The following ARHGAP6 variants were observed in gnomAD, a reference collection of about 807,000 sequenced individuals.
ARHGAP6 encodes Rho GTPase activating protein 6.
Under a neutral mutation model 55.7 loss-of-function variants are expected in ARHGAP6, and 16 were observed. The ratio of observed to expected loss-of-function variants is 0.29; its 90% CI spans 0.19 to 0.44. The LOEUF (loss-of-function observed/expected upper bound fraction) is 0.44. Ranked by LOEUF, ARHGAP6 falls within the 20% of genes least tolerant of loss-of-function variation. The pLI is 1.00. For synonymous variants in ARHGAP6, 382 were observed against 360.9 expected (o/e 1.06, Z -0.66); for missense variants, 698 against 808.9 (o/e 0.86, Z 1.66).
At chrX:11,147,479 C>T (rs1033804363) in intron 10 of ARHGAP6, among the ~76,000 whole-genome samples, 5 of 112,561 alleles carry the variant, frequency 4.4e-5, no homozygotes, top group African/African-American at 1.6e-4. Flanking sequence ...TTGTGAGGGC[C>T]TTTCAGAGCA....
At chrX:11,157,226 G>A (rs1022546769) in intron 9 of ARHGAP6, among the ~76,000 whole-genome samples, 8 of 112,164 alleles carry the variant, frequency 7.1e-5, no homozygotes, top group Non-Finnish European at 1.3e-4. Flanking sequence ...TACTCACCAC[G>A]AAGCATTGCT....
intron 1 of ARHGAP6, among the ~76,000 whole-genome samples, chrX:11,489,358 G>A (rs775121432): frequency 1.8e-5 from 2 of 111,689 alleles, no homozygotes; most frequent in East Asian, 5.6e-4. Flanking sequence ...GGAAAAGAAG[G>A]TAAGGAAAGA....
chrX:11,660,769 C>T (rs1394133513), intron 1 of ARHGAP6, among the ~76,000 whole-genome samples: 2 of 110,174 alleles, frequency 1.8e-5, no homozygotes, highest in African/African-American at 6.6e-5. Flanking sequence ...TGCCTGTCCA[C>T]TCTTTTCTGC....
chrX:11,368,081 C>T (rs889605031), intron 1 of ARHGAP6, among the ~76,000 whole-genome samples: 1 of 112,668 alleles, frequency 8.9e-6, no homozygotes, highest in Non-Finnish European at 1.9e-5. Flanking sequence ...GTGCATTAGA[C>T]TCTGTCCTAG....
intron 1 of ARHGAP6, among the ~76,000 whole-genome samples, chrX:11,445,724 G>A (rs887028453): frequency 1.5e-4 from 17 of 111,469 alleles, no homozygotes; most frequent in African/African-American, 5.6e-4. Context: ...TCGTGACGAG[G>A]GTCAGGGGTT....
intron 11 of ARHGAP6, chrX:11,143,109 T>C (rs1395491951): frequency 8.9e-6 from 1 of 111,961 alleles, no homozygotes; most frequent in Non-Finnish European, 1.9e-5. Context: ...TTTTTCACCA[T>C]CTCATTTAAT....
intron 1 of ARHGAP6, among the ~76,000 whole-genome samples, chrX:11,446,532 T>A (rs901741825): frequency 2.7e-5 from 3 of 111,016 alleles, no homozygotes; most frequent in African/African-American, 9.8e-5. Flanking sequence ...GAAAAAAAAA[T>A]GAGAAATTCT....
intron 1 of ARHGAP6, among the ~76,000 whole-genome samples, chrX:11,461,808 T>G (rs1199674608): frequency 1.8e-5 from 2 of 111,792 alleles, no homozygotes; most frequent in Admixed American, 9.5e-5. Context: ...TTAGACTTCC[T>G]GCAGGCAGCA....
chrX:11,635,052 T>A (rs970291360), intron 1 of ARHGAP6, among the ~76,000 whole-genome samples: 2 of 111,298 alleles, frequency 1.8e-5, no homozygotes, highest in Non-Finnish European at 3.8e-5. Context: ...CAGAGGCCAC[T>A]CTCAGTTTTT....
intron 1 of ARHGAP6, among the ~76,000 whole-genome samples, chrX:11,391,099 T>C (rs1274600574): frequency 8.1e-5 from 9 of 111,650 alleles, no homozygotes; most frequent in African/African-American, 2.9e-4. Flanking sequence ...ATTAAGAAAA[T>C]GTGGCACATA....
intron 1 of ARHGAP6, among the ~76,000 whole-genome samples, chrX:11,441,936 A>AAT (rs2050043487): frequency 9.1e-6 from 1 of 110,155 alleles, no homozygotes; most frequent in African/African-American, 3.3e-5. Context: ...ATGTATTTGA[A>AAT]ATATATATAC....
chrX:11,212,981 GC>G (rs1469695732), intron 2 of ARHGAP6, among the ~76,000 whole-genome samples: 1 of 112,338 alleles, frequency 8.9e-6, no homozygotes, highest in Non-Finnish European at 1.9e-5. Context: ...GTGGGGCCAC[GC>G]CCCCTGCAGG....
chrX:11,182,201 G>C, intron 5 of ARHGAP6, 83 bp from the exon 6 acceptor site: 1 of 782,694 alleles, frequency 1.3e-6, no homozygotes, highest in Non-Finnish European at 1.9e-6. Flanking sequence ...CAGAATGCCA[G>C]CACAGTGCCG....
intron 1 of ARHGAP6, among the ~76,000 whole-genome samples, chrX:11,445,619 T>A (rs1405212006): frequency 1.8e-5 from 2 of 112,102 alleles, no homozygotes; most frequent in Non-Finnish European, 3.8e-5. Context: ...ATATCAAATC[T>A]GGAACTTTGC....
chrX:11,432,880 A>G (rs2049953849), intron 1 of ARHGAP6, among the ~76,000 whole-genome samples: 1 of 112,517 alleles, frequency 8.9e-6, no homozygotes, highest in South Asian at 3.7e-4. Flanking sequence ...ATTAGGCAGA[A>G]TTTCAGCAAA....
chrX:11,374,955 T>G (rs1402252211), intron 1 of ARHGAP6, among the ~76,000 whole-genome samples: 2 of 112,125 alleles, frequency 1.8e-5, no homozygotes, highest in Non-Finnish European at 3.8e-5. Context: ...ATTATATACT[T>G]ATTGGCTTGT....
intron 1 of ARHGAP6, chrX:11,298,195 T>C: frequency 8.3e-7 from 1 of 1,209,895 alleles, no homozygotes; most frequent in African/African-American, 1.7e-5. Flanking sequence ...TGGATGAAAG[T>C]AAATTAAATC....
chrX:11,187,416 G>T lies in ARHGAP6; in HGVS notation c.1078-985C>A, dbSNP rs988428987. Among the ~76,000 whole-genome samples, 5 of 111,467 alleles carry T rather than the reference G, an allele frequency of 4.5e-5. No individual in the cohort carries two copies. The East Asian group carries it at 1.4e-3, about 31-fold the overall frequency. ...CGAGAGGGCATTTGGGAAAACCATT[G>T]CCTGAGTCCTACATTCCCAGAAAGC... On this transcript the variant is annotated intron_variant, in intron 4 of 12. Transcript: ENST00000337414.
chrX:11,360,778 C>T (rs2048999855), intron 1 of ARHGAP6, among the ~76,000 whole-genome samples: 3 of 111,559 alleles, frequency 2.7e-5, no homozygotes, highest in Non-Finnish European at 3.8e-5. Context: ...AGCCCAAAAT[C>T]TCCTTAAGCT....
Sources: gnomAD v4.1 joint callset for allele counts (sites outside exome capture counted in the v4.1 genomes callset) on GRCh38, gnomAD v4.1.1 for gene constraint, MANE v1.5 for transcripts, NCBI Gene and HGNC (gene_info 2026-07-23, HGNC 2026-07-21) for gene names.